The following UBE3B variants were observed in gnomAD, a reference collection of about 807,000 sequenced individuals.
UBE3B encodes ubiquitin protein ligase E3B, also known as ubiquitin-protein ligase E3B.
Under a neutral mutation model 132.3 loss-of-function variants are expected in UBE3B, and 80 were observed. The observed-to-expected ratio is 0.60, with a 90% CI of 0.50 to 0.73. The LOEUF (loss-of-function observed/expected upper bound fraction) is 0.73, where lower values mean the gene tolerates loss of function less well. Among genes scored for constraint, UBE3B ranks in the 30% least tolerant of loss-of-function variants. The pLI, the probability that UBE3B is intolerant of heterozygous loss-of-function variation, is 0.00. For synonymous variants in UBE3B, 487 were observed against 520.4 expected (o/e 0.94, Z 0.87); for missense variants, 1,196 against 1,362.5 (o/e 0.88, Z 1.92).
At chr12:109,494,922 G>A (rs1027317761) in intron 9 of UBE3B, among the ~76,000 whole-genome samples, 2 of 152,208 alleles carry the variant, frequency 1.3e-5, no homozygotes, top group African/African-American at 4.8e-5. Context: ...GAATGCCACA[G>A]CCCTTTGTAC....
intron 9 of UBE3B, among the ~76,000 whole-genome samples, chr12:109,494,603 T>C (rs537699246): frequency 1.3e-5 from 2 of 152,344 alleles, no homozygotes; most frequent in South Asian, 2.1e-4. Context: ...AGTGCACTTA[T>C]AGACTTTGTC....
downstream of UBE3B, among the ~76,000 whole-genome samples, chr12:109,540,003 G>T (rs1027187242): frequency 1.8e-4 from 28 of 151,998 alleles, no homozygotes; most frequent in African/African-American, 6.0e-4. Context: ...CTTCCACCGA[G>T]AGAGCCAGCC....
At position 109,485,980 on chromosome 12, in the gene UBE3B, G is replaced by T. The variant is rs1592880406; in HGVS notation, c.283-32G>T. ...GTTTTCACTTTTTGATGGATTGTGG[G>T]AATGTATAACCCCCAGTGTGTCTCT... On this transcript the variant is annotated intron_variant, in intron 4 of 27. Coordinates refer to ENST00000342494, the MANE Select transcript of UBE3B (RefSeq NM_130466.4). 4 of 1,550,452 alleles carry T rather than the reference G, an allele frequency of 2.6e-6. No individual in the cohort carries two copies. In the East Asian group the frequency reaches 7.3e-5, roughly 28 times the overall value.
intron 1 of UBE3B, among the ~76,000 whole-genome samples, chr12:109,478,314 A>G (rs1381826072): frequency 1.3e-5 from 2 of 152,196 alleles, no homozygotes; most frequent in Non-Finnish European, 2.9e-5. Context: ...CCATTCTGTG[A>G]ACGGGGGAGC....
At chr12:109,490,304 T>G in intron 8 of UBE3B, 1 of 1,296,028 alleles carries the variant, frequency 7.7e-7, no homozygotes, top group South Asian at 1.5e-5. Flanking sequence ...CTCAGATTCC[T>G]TCTTGGTTGA....
intron 14 of UBE3B, 152 bp from the exon 15 acceptor site, chr12:109,507,412 G>T (rs1436970059): frequency 3.8e-6 from 3 of 795,658 alleles, no homozygotes; most frequent in Admixed American, 2.9e-5. Flanking sequence ...CTCTCGTGGT[G>T]ATAATGCTTT....
At chr12:109,537,947 C>T (rs1387967414), downstream of UBE3B, among the ~76,000 whole-genome samples, 6 of 152,188 alleles carry the variant, frequency 3.9e-5, no homozygotes, top group African/African-American at 1.2e-4. Flanking sequence ...ATGATCCCCC[C>T]GCCTCGGCCT....
chr12:109,486,723 T>G (rs12579916), intron 6 of UBE3B, 148 bp downstream of exon 6: 112,090 of 683,012 alleles, frequency 0.16, 9,775 homozygotes, highest in African/African-American at 0.19. Flanking sequence ...GAATTTTGAT[T>G]CTGTTATCAA....
chr12:109,511,055 T>C (rs922085095), intron 17 of UBE3B, 149 bp from the exon 18 acceptor site: 4 of 661,766 alleles, frequency 6.0e-6, no homozygotes, highest in South Asian at 3.6e-5. Context: ...AGGCTATACA[T>C]GTATGAATGA....
the UBE3B span, among the ~76,000 whole-genome samples, chr12:109,543,616 T>C: frequency 6.6e-6 from 1 of 152,156 alleles, no homozygotes; most frequent in South Asian, 2.1e-4. Flanking sequence ...ATGGATGACT[T>C]GAAGTCAGGA....
Position 109,482,695 on chromosome 12 carries a change from C to T in UBE3B, c.-21-836C>T, listed in dbSNP as rs539495832. On this transcript the variant is annotated intron_variant, in intron 2 of 27. Coordinates refer to ENST00000342494, the MANE Select transcript of UBE3B (RefSeq NM_130466.4). ...ATATGGGAGCCTCCGGGGGTCAGTG[C>T]TGTGTGCTTTAGGCTGCTAGCAAAA... Among the ~76,000 whole-genome samples the T allele has an allele frequency of 3.1e-4, 46 of 147,166 alleles. 2 individuals are homozygous for T. In the South Asian group the frequency reaches 9.8e-3, roughly 31 times the overall value.
chr12:109,480,097 A>G (rs1355386251), intron 1 of UBE3B, among the ~76,000 whole-genome samples: 1 of 152,104 alleles, frequency 6.6e-6, no homozygotes, highest in Non-Finnish European at 1.5e-5. Flanking sequence ...AAGATAGGAA[A>G]AAAGTTAATG....
intron 27 of UBE3B, chr12:109,533,888 G>C: frequency 7.5e-7 from 1 of 1,331,140 alleles, no homozygotes; most frequent in Non-Finnish European, 9.9e-7. Context: ...GGGAGAAAGT[G>C]AGAGAGTGGG....
At chr12:109,525,728 A>G (rs575393015) in intron 23 of UBE3B, among the ~76,000 whole-genome samples, 1 of 152,346 alleles carries the variant, frequency 6.6e-6, no homozygotes, top group South Asian at 2.1e-4. Flanking sequence ...TCCCGACTAT[A>G]AAGATAATGA....
chr12:109,493,972 C>T (rs1467938386), intron 9 of UBE3B, among the ~76,000 whole-genome samples: 1 of 152,146 alleles, frequency 6.6e-6, no homozygotes, highest in Non-Finnish European at 1.5e-5. Context: ...ACTACAGGCA[C>T]ATGCCCAGCT....
intron 23 of UBE3B, among the ~76,000 whole-genome samples, chr12:109,525,570 T>C (rs1208091812): frequency 6.6e-6 from 1 of 152,206 alleles, no homozygotes; most frequent in Non-Finnish European, 1.5e-5. Context: ...TCACAGAATT[T>C]CTATTAAAAT....
intron 21 of UBE3B, 21 bp from the exon 22 acceptor site, chr12:109,523,957 T>C (rs779100203): frequency 1.2e-6 from 2 of 1,613,270 alleles, no homozygotes; most frequent in Middle Eastern, 1.8e-4. Flanking sequence ...GATGGACAGC[T>C]CTGCTTCTCT....
intron 27 of UBE3B, chr12:109,533,932 A>C: frequency 7.6e-7 from 1 of 1,317,924 alleles, no homozygotes; most frequent in Non-Finnish European, 9.9e-7. Context: ...CTCGAATGCT[A>C]CTCCTACCCC....
rs1882839870 is a variant in UBE3B at position 109,530,579 on chromosome 12, G to A, written c.2843G>A (p.Gly948Glu). Residue 948 changes from glycine to glutamate, a missense_variant, in exon 26 of 28, where the codon GGA becomes GAA. Coordinates refer to ENST00000342494, the MANE Select transcript of UBE3B (RefSeq NM_130466.4). ...ACAGTCTACTACGGTGGTTTCCATG[G>A]AAGTCACAGAGTCATCATCTGGCTC... is the stretch of plus-strand genomic sequence containing the variant. ...KHTVYYGGFH[G>E]SHRVIIWLWD... is the part of the protein sequence containing the mutation. The A allele has an allele frequency of 1.2e-6, 2 of 1,614,034 alleles. No homozygotes were observed. Among genetic ancestry groups the A allele is most frequent in the Admixed American group, 1.7e-5 (1 of 60,002 alleles).
Sources: gnomAD v4.1 joint callset for allele counts (sites outside exome capture counted in the v4.1 genomes callset) on GRCh38, gnomAD v4.1.1 for gene constraint, MANE v1.5 for transcripts, NCBI Gene and HGNC (gene_info 2026-07-23, HGNC 2026-07-21) for gene names.